Variants in CHID1 observed in about 807,000 individuals in gnomAD.
The protein encoded by CHID1 is chitinase domain-containing protein 1.
In CHID1, 44 loss-of-function variants were observed where a neutral mutation model predicts 55.4. The ratio of observed to expected loss-of-function variants is 0.79; its 90% confidence interval spans 0.62 to 1.02. CHID1 has a LOEUF of 1.02. CHID1 is among the 50% of genes least tolerant of loss of function. The pLI is 0.00. For synonymous variants in CHID1, 216 were observed against 212.9 expected, an observed-to-expected ratio of 1.01 and a Z score of -0.13; for missense variants, 491 against 515.3, an observed-to-expected ratio of 0.95 and a Z score of 0.46.
chr11:896,487 C>G (rs1265858725), intron 7 of CHID1, among the ~76,000 whole-genome samples: 4 of 138,424 alleles, frequency 2.9e-5, no homozygotes, highest in Admixed American at 7.0e-5. Flanking sequence ...CCAGCCTCCA[C>G]CCCAGACATG....
At chr11:900,866 C>T in intron 5 of CHID1, 70 bp downstream of exon 5, 3 of 1,332,508 alleles carry the variant, frequency 2.3e-6, no homozygotes, top group Non-Finnish European at 2.1e-6. Context: ...ACGTGGAGAC[C>T]CCAGTGCCCA....
chr11:908,686 T>C (rs1852414187), intron 1 of CHID1: 2 of 887,504 alleles, frequency 2.3e-6, no homozygotes, highest in Admixed American at 6.2e-5. Context: ...AACCAAACGG[T>C]GGTTCTCCAG....
intron 1 of CHID1, among the ~76,000 whole-genome samples, chr11:907,609 G>T (rs1474495721): frequency 2.0e-5 from 3 of 152,218 alleles, no homozygotes; most frequent in African/African-American, 7.2e-5. Flanking sequence ...ACACTGCTGG[G>T]AAGAAGCTCT....
At chr11:873,818 G>A (rs1228998676) in intron 10 of CHID1, among the ~76,000 whole-genome samples, 1 of 152,094 alleles carries the variant, frequency 6.6e-6, no homozygotes, top group Non-Finnish European at 1.5e-5. Context: ...TTGAAATGGT[G>A]CATTTTATGG....
At chr11:904,395 G>A (rs1057118765) in intron 2 of CHID1, among the ~76,000 whole-genome samples, 4 of 152,204 alleles carry the variant, frequency 2.6e-5, no homozygotes, top group Non-Finnish European at 5.9e-5. Context: ...GAAGATGCAG[G>A]TGATATAAAC....
chr11:895,024 G>T (rs1276199857), intron 7 of CHID1, among the ~76,000 whole-genome samples: 2 of 152,204 alleles, frequency 1.3e-5, no homozygotes, highest in African/African-American at 4.8e-5. Context: ...CGCCTCTGCA[G>T]CTGTGTCCAC....
rs779066400 is a variant in CHID1 at position 903,032 on chromosome 11, T to A, written c.191A>T (p.His64Leu). ...GGCCTTTGCCGAGCAGTAGCTGCGA[T>A]GCTCAAGAACCACACTCTCAGCTTT... The part of the protein sequence containing the change: ...DLKAESVVLE[H>L]RSYCSAKARD... Residue 64 changes from histidine to leucine, a missense_variant, in exon 3 of 13, where the codon CAT (histidine) becomes CTT (leucine). Coordinates refer to ENST00000323578, the MANE Select transcript of CHID1 (RefSeq NM_023947.4). 1 of 1,614,018 alleles carries A rather than the reference T, an allele frequency of 6.2e-7. No individual in the cohort carries two copies. The highest frequency in any genetic ancestry group is 8.5e-7 in the Non-Finnish European group (1 of 1,180,010).
rs978585461 is a variant in CHID1 at position 875,752 on chromosome 11, C to T, written c.960-5253G>A. Among the ~76,000 whole-genome samples, 1 of 152,146 alleles carries T rather than the reference C, an allele frequency of 6.6e-6. No homozygotes were observed. Among genetic ancestry groups the T allele is most frequent in the Admixed American group, 6.5e-5 (1 of 15,270 alleles). The stretch of plus-strand genomic sequence containing the variant: ...CAGAGGAGGAAAACGCCTAGGTCCA[C>T]CGAGTCGTGGCAGCAAAAGACGCCA... On this transcript the variant is annotated intron_variant, in intron 10 of 12. Transcript: ENST00000323578. This position sits in a 1 kb window ranked among gnomAD's most constrained non-coding sequence, Gnocchi z 4.7.
intron 8 of CHID1, among the ~76,000 whole-genome samples, chr11:891,138 G>A (rs1408668802): frequency 2.0e-5 from 3 of 152,130 alleles, no homozygotes; most frequent in Admixed American, 6.5e-5. Flanking sequence ...CTCACCTCTG[G>A]GGCTGTAGCC....
intron 8 of CHID1, among the ~76,000 whole-genome samples, chr11:889,455 C>T (rs926759715): frequency 1.3e-5 from 2 of 152,140 alleles, no homozygotes; most frequent in Admixed American, 6.5e-5. Context: ...CTGGGGTGGG[C>T]CCATCTCTTC....
At chr11:909,732 C>A (rs1327578249) in intron 1 of CHID1, among the ~76,000 whole-genome samples, 1 of 152,198 alleles carries the variant, frequency 6.6e-6, no homozygotes, top group African/African-American at 2.4e-5. Flanking sequence ...TGGTGCATGG[C>A]GGCTCTGGCC....
Position 902,999 on chromosome 11 carries a change from C to A in CHID1, c.224G>T (p.Arg75Ile). The change falls in exon 3 of 13, where the codon AGA becomes ATA. Residue 75 changes from arginine (R) to isoleucine (I), a missense_variant. Coordinates refer to ENST00000323578, the MANE Select transcript of CHID1 (RefSeq NM_023947.4). ...GCCCAGTACATCCCCAGCAAAGTGT[C>A]TGTCCCGGGCCTTTGCCGAGCAGTA... is the stretch of plus-strand genomic sequence containing the variant. The part of the protein sequence containing the change: ...RSYCSAKARD[R>I]HFAGDVLGYV... 1 of 1,614,038 alleles carries A rather than the reference C, an allele frequency of 6.2e-7. No homozygotes were observed. The highest frequency in any genetic ancestry group is 8.5e-7 in the Non-Finnish European group (1 of 1,180,012).
chr11:884,290 T>C, intron 8 of CHID1, 121 bp from the exon 9 acceptor site: 1 of 692,928 alleles, frequency 1.4e-6, no homozygotes. Flanking sequence ...GGGAAAAGTG[T>C]TCTTCTGGGG....
chr11:900,091 C>T lies in CHID1; in HGVS notation c.459G>A (p.Glu153=). ...GLHIVPRLLF[E]DWTYDDFRNV... is the part of the protein sequence containing the mutation. ...TCCGGAAATCATCGTAAGTCCAGTC[C>T]TCAAACAGGAGCCGAGGCACTGCAG... is the stretch of plus-strand genomic sequence containing the variant. The change falls in exon 6 of 13, where the codon GAG becomes GAA. Residue 153 remains glutamate, a synonymous_variant. Coordinates refer to ENST00000323578, the MANE Select transcript of CHID1 (RefSeq NM_023947.4). 6.2e-7 allele frequency: 1 copy of T among 1,613,962 alleles called. No individual in the cohort carries two copies. Among genetic ancestry groups the T allele is most frequent in the Non-Finnish European group, 8.5e-7 (1 of 1,179,962 alleles).
chr11:900,916 T>TCCTGG lies in CHID1; in HGVS notation c.439+15_439+19dup. The TCCTGG allele has an allele frequency of 6.3e-7, 1 of 1,595,196 alleles. No homozygotes were observed. Among genetic ancestry groups the TCCTGG allele is most frequent in the Non-Finnish European group, 8.5e-7 (1 of 1,172,234 alleles). On this transcript the variant is annotated intron_variant, in intron 5 of 12. Coordinates refer to ENST00000323578, the MANE Select transcript of CHID1 (RefSeq NM_023947.4). ...CAGTTTGAGCCATCAGGGCCTCCAC[T>TCCTGG]CCTGGCCTGCCGCACTTACCTATGT...
intron 8 of CHID1, among the ~76,000 whole-genome samples, chr11:892,570 CT>C (rs754307337): frequency 1.6e-4 from 25 of 152,236 alleles, no homozygotes; most frequent in Non-Finnish European, 2.6e-4. Flanking sequence ...AGCAACTGCG[CT>C]GTGCTGGGAG....
intron 8 of CHID1, among the ~76,000 whole-genome samples, chr11:886,979 C>G (rs751858897): frequency 4.6e-5 from 7 of 152,200 alleles, no homozygotes; most frequent in South Asian, 2.1e-4. Context: ...TCTCGTGGTT[C>G]AGAGTCCAGG....
chr11:870,447 C>T lies in CHID1; in HGVS notation c.1012G>A (p.Ala338Thr), dbSNP rs757268762. 1.2e-6 allele frequency: 2 copies of T among 1,612,076 alleles called. No individual in the cohort carries two copies. Among genetic ancestry groups the T allele is most frequent in the South Asian group, 1.1e-5 (1 of 90,766 alleles). Reference sequence around the variant, plus strand: ...TTGTACTCGAAGAAGTGCTCTGAGGCCTGGCTGTCCCACACCATCCGGGGC... The same window carrying T: ...TTGTACTCGAAGAAGTGCTCTGAGGTCTGGCTGTCCCACACCATCCGGGGC... ...HRPRMVWDSQASEHFFEYKKS... is the reference protein window; with the variant it reads ...HRPRMVWDSQTSEHFFEYKKS... Residue 338 changes from alanine to threonine, a missense_variant, in exon 11 of 13, where the codon GCC (alanine) becomes ACC (threonine). Coordinates refer to ENST00000323578, the MANE Select transcript of CHID1 (RefSeq NM_023947.4).
intron 8 of CHID1, among the ~76,000 whole-genome samples, chr11:889,580 C>A (rs1850651848): frequency 6.6e-6 from 1 of 152,162 alleles, no homozygotes; most frequent in Admixed American, 6.5e-5. Context: ...CTCCATTCAG[C>A]TGACCTCCCT....
Sources: allele counts gnomAD v4.1 joint callset (sites outside exome capture counted in the v4.1 genomes callset), GRCh38; gene constraint gnomAD v4.1.1; non-coding constraint Gnocchi (gnomAD v3.1); transcripts MANE v1.5; gene names NCBI Gene and HGNC (gene_info 2026-07-23, HGNC 2026-07-21).